The following PLCE1 variants were observed in gnomAD, a reference collection of about 807,000 sequenced individuals.
PLCE1 encodes phospholipase C epsilon 1, also known as 1-phosphatidylinositol 4,5-bisphosphate phosphodiesterase epsilon-1.
A neutral mutation model predicts 242.8 loss-of-function variants in PLCE1; 119 were observed. The observed-to-expected ratio is 0.49, with a 90% CI of 0.42 to 0.57. The LOEUF (loss-of-function observed/expected upper bound fraction) is 0.57. Ranked by LOEUF, PLCE1 falls within the 20% of genes least tolerant of loss-of-function variation. The pLI, the probability that PLCE1 is intolerant of heterozygous loss-of-function variation, is 0.00. For missense variants in PLCE1, 2,441 were observed against 2,788.8 expected (o/e 0.88, Z 2.81); for synonymous variants, 945 against 1,017.4 (o/e 0.93, Z 1.35).
At chr10:94,310,200 G>T (rs532007801) in intron 27 of PLCE1, among the ~76,000 whole-genome samples, 9 of 152,262 alleles carry the variant, frequency 5.9e-5, no homozygotes, top group African/African-American at 2.2e-4. Flanking sequence ...CTTTGGAAAG[G>T]CACCTTCTGC....
At position 94,298,403 on chromosome 10, in the gene PLCE1, C is replaced by A; in HGVS notation, c.5192C>A (p.Thr1731Asn). ...GKSSCEGIRQ[T>N]WEESSSPLNP... ...GGTTCCTGTGAAGGCATTCGACAGACCTGGGAGGAATCTTCTTCCCCTCTC... is the reference window on the plus strand; with the variant it reads ...GGTTCCTGTGAAGGCATTCGACAGAACTGGGAGGAATCTTCTTCCCCTCTC... Residue 1731 changes from threonine to asparagine, a missense_variant, in exon 24 of 33, where the codon ACC becomes AAC. Around this residue, in one of 5 missense-constraint regions of PLCE1, gnomAD observed 1,004 missense variants for 1,322.7 expected, o/e 0.76. Coordinates refer to ENST00000371380, the MANE Select transcript of PLCE1 (RefSeq NM_016341.4). This position sits in a 1 kb window ranked among gnomAD's most constrained non-coding sequence, Gnocchi z 5.2. 6.2e-7 allele frequency: 1 copy of A among 1,614,092 alleles called. No homozygotes were observed. The highest frequency in any genetic ancestry group is 8.5e-7 in the Non-Finnish European group (1 of 1,179,962).
At chr10:93,997,632 CTTTTTTTT>C (rs34338995) in intron 1 of PLCE1, among the ~76,000 whole-genome samples, 1 of 79,872 alleles carries the variant, frequency 1.3e-5, no homozygotes, top group Non-Finnish European at 2.2e-5. Context: ...AATAACCATC[CTTTTTTTT>C]TTTTTTTTTT....
At chr10:94,163,143 G>C (rs28786213) in intron 3 of PLCE1, among the ~76,000 whole-genome samples, 46 of 152,146 alleles carry the variant, frequency 3.0e-4, no homozygotes, top group Non-Finnish European at 5.3e-4. Context: ...TTGATTTGGG[G>C]TGGAGAGTTT....
At chr10:94,287,026 C>G (rs1301178014) in intron 22 of PLCE1, 1 of 152,166 alleles carries the variant, frequency 6.6e-6, no homozygotes, top group Non-Finnish European at 1.5e-5. Context: ...CACAAATTCC[C>G]AAAGATATTT....
At chr10:94,037,677 C>A (rs1201488396) in intron 2 of PLCE1, among the ~76,000 whole-genome samples, 3 of 152,112 alleles carry the variant, frequency 2.0e-5, no homozygotes, top group Non-Finnish European at 4.4e-5. Context: ...ATGTCTAGTG[C>A]CTCAGTGGAA....
At chr10:94,262,061 C>T (rs547290302) in intron 13 of PLCE1, among the ~76,000 whole-genome samples, 4 of 146,066 alleles carry the variant, frequency 2.7e-5, no homozygotes, top group East Asian at 4.1e-4. Flanking sequence ...AGTGCAGTGG[C>T]GTAATCTTGG....
chr10:94,164,525 T>A (rs1409489220), intron 3 of PLCE1, among the ~76,000 whole-genome samples: 1 of 152,194 alleles, frequency 6.6e-6, no homozygotes, highest in East Asian at 1.9e-4. Flanking sequence ...GTTATTCTAG[T>A]TAGCTATTCG....
chr10:94,033,171 G>A (rs1299800957), intron 2 of PLCE1, among the ~76,000 whole-genome samples: 1 of 151,978 alleles, frequency 6.6e-6, no homozygotes, highest in African/African-American at 2.4e-5. Flanking sequence ...GTTCGAGGGG[G>A]TAGGGGGCAG....
chr10:94,291,002 C>T (rs748297622), intron 22 of PLCE1, among the ~76,000 whole-genome samples: 19 of 152,162 alleles, frequency 1.2e-4, no homozygotes, highest in Non-Finnish European at 1.9e-4. Flanking sequence ...CCATCATATA[C>T]GTGGTCTGTT....
At position 94,192,531 on chromosome 10, in the gene PLCE1, T is replaced by C. The variant is rs141021718; in HGVS notation, c.1809+21035T>C. ...CTGCAGAGGACATGATTTCATTCTT[T>C]TTTATGGCTGTGTAGTATTCCATGG... On this transcript the variant is annotated intron_variant, in intron 4 of 32. Coordinates refer to ENST00000371380, the MANE Select transcript of PLCE1 (RefSeq NM_016341.4). Among the ~76,000 whole-genome samples, 335 of 152,348 alleles carry C rather than the reference T, an allele frequency of 2.2e-3. 1 individual carries two copies. Among genetic ancestry groups the C allele is most frequent in the Non-Finnish European group, 3.9e-3 (266 of 68,036 alleles).
At chr10:94,212,463 A>G (rs576832809) in intron 4 of PLCE1, among the ~76,000 whole-genome samples, 29 of 152,246 alleles carry the variant, frequency 1.9e-4, no homozygotes, top group East Asian at 1.2e-3. Context: ...TCACCGTGTT[A>G]GCCAGGATGG....
intron 4 of PLCE1, among the ~76,000 whole-genome samples, chr10:94,186,390 A>G (rs1564768463): frequency 6.6e-6 from 1 of 152,130 alleles, no homozygotes; most frequent in African/African-American, 2.4e-5. Context: ...TTCATTTATT[A>G]TTTTCTCACA....
chr10:94,232,439 A>G (rs1219584217), intron 5 of PLCE1, among the ~76,000 whole-genome samples: 1 of 152,170 alleles, frequency 6.6e-6, no homozygotes, highest in Non-Finnish European at 1.5e-5. Context: ...GTCTGCAGAA[A>G]AGAAGTGGAC....
intron 5 of PLCE1, among the ~76,000 whole-genome samples, chr10:94,229,982 A>G (rs1034548810): frequency 2.0e-5 from 3 of 152,252 alleles, no homozygotes; most frequent in Non-Finnish European, 2.9e-5. Context: ...TTATATGTGC[A>G]CTTTTAGGTT....
chr10:94,206,236 T>C (rs903902461), intron 4 of PLCE1, among the ~76,000 whole-genome samples: 3 of 151,956 alleles, frequency 2.0e-5, no homozygotes, highest in African/African-American at 2.4e-5. Context: ...ACATTCCAGG[T>C]AGAGGGAACC....
chr10:94,320,929 G>T (rs2053776004), intron 29 of PLCE1, among the ~76,000 whole-genome samples: 1 of 152,140 alleles, frequency 6.6e-6, no homozygotes, highest in Admixed American at 6.5e-5. Flanking sequence ...CGAATAAGGT[G>T]GGAGAAGGAA....
chr10:94,034,269 C>T (rs7076847), intron 2 of PLCE1, among the ~76,000 whole-genome samples: 4 of 152,152 alleles, frequency 2.6e-5, no homozygotes, highest in African/African-American at 9.7e-5. Flanking sequence ...GGTAGGGACA[C>T]AGCCCAACCA....
intron 4 of PLCE1, among the ~76,000 whole-genome samples, chr10:94,194,037 A>C (rs1208637819): frequency 6.6e-6 from 1 of 152,170 alleles, no homozygotes; most frequent in Non-Finnish European, 1.5e-5. Flanking sequence ...TTTACTTCAC[A>C]CTGTTTTAAA....
At chr10:94,255,122 A>G in intron 11 of PLCE1, 73 bp downstream of exon 11, 1 of 1,526,460 alleles carries the variant, frequency 6.6e-7, no homozygotes, top group African/African-American at 1.4e-5. Flanking sequence ...ATATCTTTAC[A>G]GTTGTCTATG....
Sources: allele counts gnomAD v4.1 joint callset (sites outside exome capture counted in the v4.1 genomes callset), GRCh38; gene constraint gnomAD v4.1.1; regional missense constraint gnomAD v4.1.1; non-coding constraint Gnocchi (gnomAD v3.1); transcripts MANE v1.5; gene names NCBI Gene and HGNC (gene_info 2026-07-23, HGNC 2026-07-21).